The following DEPDC7 variants were observed in gnomAD, a reference collection of about 807,000 sequenced individuals.
DEPDC7 encodes DEP domain-containing protein 7.
A neutral mutation model predicts 56.6 loss-of-function variants in DEPDC7; 41 were observed. That is an observed-to-expected ratio of 0.72 (90% CI 0.56 to 0.94). The LOEUF (loss-of-function observed/expected upper bound fraction) is 0.94. Among genes scored for constraint, DEPDC7 ranks in the 40% least tolerant of loss-of-function variants. DEPDC7 has a pLI of 0.00. For missense variants in DEPDC7, 522 were observed against 596.3 expected (o/e 0.88, Z 1.30); for synonymous variants, 185 against 208.8 (o/e 0.89, Z 0.98).
At chr11:33,032,245 A>G in intron 5 of DEPDC7, 91 bp from the exon 6 acceptor site, 1 of 1,165,426 alleles carries the variant, frequency 8.6e-7, no homozygotes, top group Non-Finnish European at 1.2e-6. Flanking sequence ...GAATAAGTGC[A>G]CTTTTTAACT....
intron 4 of DEPDC7, among the ~76,000 whole-genome samples, chr11:33,029,242 A>C (rs1226691900): frequency 1.3e-5 from 2 of 151,804 alleles, no homozygotes; most frequent in East Asian, 3.9e-4. Context: ...CCATGCCTGT[A>C]ATCCTAGCAC....
intron 1 of DEPDC7, among the ~76,000 whole-genome samples, chr11:33,021,102 T>A (rs891958020): frequency 6.6e-6 from 1 of 151,630 alleles, no homozygotes; most frequent in Non-Finnish European, 1.5e-5. Flanking sequence ...CAAAAAAAAA[T>A]TAGCTGCACG....
chr11:33,019,752 C>T lies in DEPDC7; in HGVS notation c.73+3724C>T, dbSNP rs543302863. ...ACTAACCAATTGTATTATATTGAGG[C>T]AATCTGTAAGGCAATTAAATAATTT... is the stretch of plus-strand genomic sequence containing the variant. On this transcript the variant is annotated intron_variant, in intron 1 of 8. Coordinates refer to ENST00000241051, the MANE Select transcript of DEPDC7 (RefSeq NM_001077242.2). Among the ~76,000 whole-genome samples, 42 of 152,206 alleles carry T rather than the reference C, an allele frequency of 2.8e-4. 1 individual carries two copies. In the South Asian group the frequency reaches 3.3e-3, roughly 12 times the overall value.
At chr11:33,022,429 A>G (rs1853532522) in intron 1 of DEPDC7, among the ~76,000 whole-genome samples, 2 of 152,200 alleles carry the variant, frequency 1.3e-5, no homozygotes, top group Admixed American at 6.5e-5. Flanking sequence ...TCAGCTGTGT[A>G]ACTGTGGGCA....
chr11:33,021,691 A>G (rs1853525905), intron 1 of DEPDC7, among the ~76,000 whole-genome samples: 1 of 152,212 alleles, frequency 6.6e-6, no homozygotes, highest in Admixed American at 6.5e-5. Context: ...GAAATATCCC[A>G]GGATGCAATG....
intron 1 of DEPDC7, among the ~76,000 whole-genome samples, chr11:33,017,704 C>T (rs966077392): frequency 1.2e-4 from 18 of 152,316 alleles, no homozygotes; most frequent in African/African-American, 3.8e-4. Context: ...TTGCCATTCT[C>T]TTTCTGTGTG....
chr11:33,016,510 G>T lies in DEPDC7; in HGVS notation c.73+482G>T, dbSNP rs374778072. 31 of 1,613,528 alleles carry T rather than the reference G, an allele frequency of 1.9e-5. No homozygotes were observed. The African/African-American group carries it at 3.6e-4, about 19-fold the overall frequency. On this transcript the variant is annotated intron_variant, in intron 1 of 8. Coordinates refer to ENST00000241051, the MANE Select transcript of DEPDC7 (RefSeq NM_001077242.2). ...CCAGACTGCTAGGAGTCAAGAGTCA[G>T]CTTGTCTCCCCAGACTCTTCCTGGG...
Position 33,031,518 on chromosome 11 carries a change from GA to G in DEPDC7, c.924del (p.Arg308SerfsTer10). On this transcript the variant is annotated frameshift_variant, in exon 5 of 9. Transcript: ENST00000241051. LOFTEE classifies it high-confidence loss of function. ...VKELLFDAIG[R>X]YYSSREPLLN... ...GAACTTCTGTTTGATGCCATTGGCA[GA>G]TATTACAGTAGTAGGGAACCTCTGT... 1 of 1,614,166 alleles carries G rather than the reference GA, an allele frequency of 6.2e-7. No individual in the cohort carries two copies. The highest frequency in any genetic ancestry group is 2.2e-5 in the East Asian group (1 of 44,878).
intron 4 of DEPDC7, among the ~76,000 whole-genome samples, chr11:33,030,420 G>A (rs945575664): frequency 2.0e-5 from 3 of 150,528 alleles, no homozygotes; most frequent in African/African-American, 7.5e-5. Flanking sequence ...ATGGCAGTAT[G>A]GCAGTAGAGG....
At chr11:33,019,679 A>T (rs1853503346) in intron 1 of DEPDC7, among the ~76,000 whole-genome samples, 4 of 152,216 alleles carry the variant, frequency 2.6e-5, no homozygotes. Context: ...AAAGAAAAAA[A>T]AGTAAGTTTT....
chr11:33,031,402 A>C lies in DEPDC7; in HGVS notation c.807A>C (p.Ala269=). The C allele has an allele frequency of 6.2e-7, 1 of 1,614,194 alleles. No homozygotes were observed. The highest frequency in any genetic ancestry group is 8.5e-7 in the Non-Finnish European group (1 of 1,180,006). Residue 269 remains alanine (A), a synonymous_variant, in exon 5 of 9, where the codon GCA becomes GCC. Coordinates refer to ENST00000241051, the MANE Select transcript of DEPDC7 (RefSeq NM_001077242.2). ...DSQEDEWLSA[A]IDCLEYLPDQ... ...GGGAAGATGAGTGGCTCTCGGCAGCAATTGACTGTTTAGAATACCTTCCAG... is the reference window on the plus strand; with the variant it reads ...GGGAAGATGAGTGGCTCTCGGCAGCCATTGACTGTTTAGAATACCTTCCAG...
Position 33,032,703 on chromosome 11 carries a change from A to G in DEPDC7, c.1173A>G (p.Ser391=). The G allele has an allele frequency of 6.2e-7, 1 of 1,604,216 alleles. No individual in the cohort carries two copies. The highest frequency in any genetic ancestry group is 8.5e-7 in the Non-Finnish European group (1 of 1,174,596). ...DNRMVVKRIF[S]KAIVDNKNLS... ...GAATGGTTGTGAAAAGGATATTCTCAAAAGCTATTGTTGACAATAAAAATT... is the reference window on the plus strand; with the variant it reads ...GAATGGTTGTGAAAAGGATATTCTCGAAAGCTATTGTTGACAATAAAAATT... Residue 391 remains serine, a synonymous_variant, in exon 7 of 9, where the codon TCA becomes TCG. Coordinates refer to ENST00000241051, the MANE Select transcript of DEPDC7 (RefSeq NM_001077242.2).
intron 1 of DEPDC7, among the ~76,000 whole-genome samples, chr11:33,025,071 G>A (rs186314754): frequency 6.6e-6 from 1 of 152,166 alleles, no homozygotes; most frequent in Non-Finnish European, 1.5e-5. Context: ...TACTTGATGT[G>A]TCCTCCTAAC....
intron 2 of DEPDC7, among the ~76,000 whole-genome samples, chr11:33,027,261 A>G (rs1936104371): frequency 6.6e-6 from 1 of 152,200 alleles, no homozygotes; most frequent in African/African-American, 2.4e-5. Context: ...TTGTCATGAT[A>G]TGAGCTCTAA....
At chr11:33,027,620 C>A in intron 2 of DEPDC7, 66 bp from the exon 3 acceptor site, 2 of 1,386,008 alleles carry the variant, frequency 1.4e-6, no homozygotes, top group Non-Finnish European at 1.9e-6. Flanking sequence ...AAACTCTTAG[C>A]TCTCAAATAC....
chr11:33,021,430 T>G (rs1801117026), intron 1 of DEPDC7, among the ~76,000 whole-genome samples: 1 of 152,192 alleles, frequency 6.6e-6, no homozygotes, highest in Non-Finnish European at 1.5e-5. Context: ...TTTGGTCTCT[T>G]AAATCCTGTT....
At chr11:33,027,040 C>T (rs959156356) in intron 2 of DEPDC7, among the ~76,000 whole-genome samples, 2 of 152,174 alleles carry the variant, frequency 1.3e-5, no homozygotes, top group African/African-American at 2.4e-5. Flanking sequence ...TGCAGGTCCA[C>T]ACACTTTATC....
In DEPDC7 at chr11:33,019,329, A is replaced by G. The variant is rs1853498831; in HGVS notation, c.73+3301A>G. The stretch of plus-strand genomic sequence containing the variant: ...TCTCCAGACATGTCCTGTTGGGGGT[A>G]TAATCACCCACTGAGAACCACTGGG... On this transcript the variant is annotated intron_variant, in intron 1 of 8. Coordinates refer to ENST00000241051, the MANE Select transcript of DEPDC7 (RefSeq NM_001077242.2). Among the ~76,000 whole-genome samples, 2 of 152,174 alleles carry G rather than the reference A, an allele frequency of 1.3e-5. 1 individual carries two copies. The highest frequency in any genetic ancestry group is 1.3e-4 in the Admixed American group (2 of 15,278).
chr11:33,016,216 T>C (rs1018541122), intron 1 of DEPDC7, 188 bp downstream of exon 1: 1 of 1,297,214 alleles, frequency 7.7e-7, no homozygotes, highest in East Asian at 3.0e-5. Flanking sequence ...CGAGTTCCTC[T>C]CTGGCTGGTG....
Sources: allele counts gnomAD v4.1 joint callset (sites outside exome capture counted in the v4.1 genomes callset), GRCh38; gene constraint gnomAD v4.1.1; transcripts MANE v1.5; gene names NCBI Gene and HGNC (gene_info 2026-07-23, HGNC 2026-07-21).